Variants in SVIL observed in about 807,000 individuals in gnomAD.
SVIL encodes archvillin.
In SVIL, 101 loss-of-function variants were observed where a neutral mutation model predicts 240.4. That is an observed-to-expected ratio of 0.42 (90% CI 0.36 to 0.50). SVIL has a LOEUF of 0.50. Ranked by LOEUF, SVIL falls within the 20% of genes least tolerant of loss-of-function variation. The pLI is 0.01. For missense variants in SVIL, 2,512 were observed against 2,818.7 expected, an observed-to-expected ratio of 0.89 and a Z score of 2.46; for synonymous variants, 999 against 1,100.0, an observed-to-expected ratio of 0.91 and a Z score of 1.82.
intron 1 of SVIL, among the ~76,000 whole-genome samples, chr10:29,621,298 C>A (rs1422155839): frequency 6.6e-6 from 1 of 152,196 alleles, no homozygotes; most frequent in Non-Finnish European, 1.5e-5. Context: ...GAAAGTGCTG[C>A]GGGAAGGCAG....
At chr10:29,650,847 G>A (rs1791102343) in intron 3 of SVIL, among the ~76,000 whole-genome samples, 1 of 152,154 alleles carries the variant, frequency 6.6e-6, no homozygotes, top group South Asian at 2.1e-4. Flanking sequence ...CACATGGGAG[G>A]CTGAGGCATG....
chr10:29,724,552 T>A (rs2132702686), intron 1 of SVIL, among the ~76,000 whole-genome samples: 1 of 152,256 alleles, frequency 6.6e-6, no homozygotes, highest in Non-Finnish European at 1.5e-5. Context: ...AATTGGATAA[T>A]TCTGGGGTCA....
intron 1 of SVIL, among the ~76,000 whole-genome samples, chr10:29,723,890 A>C (rs1465303142): frequency 6.6e-6 from 1 of 152,224 alleles, no homozygotes; most frequent in Non-Finnish European, 1.5e-5. Flanking sequence ...AAACAAGATA[A>C]AAAGTTTGGA....
rs373011297 is a variant in SVIL at position 29,523,511 on chromosome 10, G to C, written c.3103C>G (p.Leu1035Val). The C allele has an allele frequency of 6.2e-7, 1 of 1,614,048 alleles. No individual in the cohort carries two copies. The highest frequency in any genetic ancestry group is 8.5e-7 in the Non-Finnish European group (1 of 1,179,984). ...AQGNLDLRDR[L>V]PFEEKVEVEN... is the part of the protein sequence containing the mutation. ...ACCTCCACCTTCTCTTCAAAGGGCA[G>C]CCTGTCCCTCAAGTCCAAGTTTCCT... The change falls in exon 15 of 38, where the codon CTG becomes GTG. Residue 1035 changes from leucine to valine, a missense_variant. By Grantham distance (32) the Leu-to-Val change is conservative. Transcript: ENST00000355867.
chr10:29,486,522 C>T lies in SVIL; in HGVS notation c.4521G>A (p.Arg1507=), dbSNP rs769376418. 2.5e-6 allele frequency: 4 copies of T among 1,614,108 alleles called. No homozygotes were observed. In the South Asian group the frequency reaches 3.3e-5, roughly 13 times the overall value. ...SELATLIQTK[R]ELGCRATYIQ... ...TATAAGTAGCTCTACAACCAAGTTC[C>T]CTCTTTGTCTGAATTAAAGTTGCAA... The change falls in exon 25 of 38, where the codon AGG becomes AGA. Residue 1507 remains arginine (R), a synonymous_variant. Coordinates refer to ENST00000355867, the MANE Select transcript of SVIL (RefSeq NM_021738.3).
intron 1 of SVIL, among the ~76,000 whole-genome samples, chr10:29,731,891 G>A (rs72804860): frequency 2.0e-3 from 311 of 152,350 alleles, no homozygotes; most frequent in Non-Finnish European, 3.4e-3. Flanking sequence ...AGAAGTTGTG[G>A]AACAGCTGGG....
At chr10:29,625,733 A>G (rs1454135797) in intron 1 of SVIL, among the ~76,000 whole-genome samples, 2 of 152,204 alleles carry the variant, frequency 1.3e-5, no homozygotes, top group African/African-American at 2.4e-5. Context: ...AAGTGCTGGG[A>G]CTACAGGCAT....
In SVIL at chr10:29,557,965, C is replaced by T. The variant is rs115802215; in HGVS notation, c.-50-2857G>A. Among the ~76,000 whole-genome samples the T allele has an allele frequency of 7.5e-3, 1,135 of 152,238 alleles. 16 individuals are homozygous for T. The highest frequency in any genetic ancestry group is 0.026 in the African/African-American group (1,075 of 41,536). ...GCTCTGCCGCAGGATGTTGAATGTC[C>T]CAGGTTCTTATAGTGATGCTAAATC... On this transcript the variant is annotated intron_variant, in intron 3 of 37. Coordinates refer to ENST00000355867, the MANE Select transcript of SVIL (RefSeq NM_021738.3).
chr10:29,598,532 C>T (rs1956684905), intron 1 of SVIL, among the ~76,000 whole-genome samples: 1 of 152,198 alleles, frequency 6.6e-6, no homozygotes, highest in African/African-American at 2.4e-5. Context: ...TACAAAATCC[C>T]TGGATTGCTG....
chr10:29,527,321 T>C (rs1240985778), intron 12 of SVIL, among the ~76,000 whole-genome samples: 2 of 152,140 alleles, frequency 1.3e-5, no homozygotes, highest in Non-Finnish European at 2.9e-5. Flanking sequence ...TGAGAATACA[T>C]GTCTTGGTGT....
At chr10:29,708,077 GA>G (rs1229159792) in intron 1 of SVIL, among the ~76,000 whole-genome samples, 4 of 151,612 alleles carry the variant, frequency 2.6e-5, no homozygotes, top group Non-Finnish European at 5.9e-5. Flanking sequence ...CTAACACGGT[GA>G]AACCCCGTCT....
intron 15 of SVIL, 83 bp from the exon 16 acceptor site, chr10:29,522,718 C>T: frequency 6.8e-7 from 1 of 1,464,738 alleles, no homozygotes; most frequent in Non-Finnish European, 9.2e-7. Flanking sequence ...GTGCAGCTCT[C>T]AGGGTTCAAT....
Position 29,734,790 on chromosome 10 carries a change from T to C in SVIL, c.-400+961A>G, listed in dbSNP as rs564539924. Among the ~76,000 whole-genome samples the C allele has an allele frequency of 6.6e-5, 10 of 152,270 alleles. No homozygotes were observed. In the South Asian group the frequency reaches 1.5e-3, roughly 22 times the overall value. ...AGATGCTGAGAAACATCTGGCGCAG[T>C]AGAGATGCTGCCTCTGACATTTCTA... On this transcript the variant is annotated intron_variant, in intron 1 of 35. Coordinates refer to the SVIL transcript ENST00000375400.
At chr10:29,714,472 G>GAAA (rs1449245356) in intron 1 of SVIL, among the ~76,000 whole-genome samples, 4 of 152,110 alleles carry the variant, frequency 2.6e-5, no homozygotes, top group Non-Finnish European at 5.9e-5. Flanking sequence ...AAAATAAGGA[G>GAAA]AACAAAGTCT....
chr10:29,593,953 T>C (rs1221009087), intron 1 of SVIL, among the ~76,000 whole-genome samples: 2 of 152,108 alleles, frequency 1.3e-5, no homozygotes, highest in African/African-American at 4.8e-5. Context: ...TGGAGCACAG[T>C]GGAGTTTTCA....
Position 29,649,162 on chromosome 10 carries a change from T to A in SVIL, c.-201+8807A>T, listed in dbSNP as rs1958760405. Among the ~76,000 whole-genome samples, 2 of 151,896 alleles carry A rather than the reference T, an allele frequency of 1.3e-5. 1 individual carries two copies. The highest frequency in any genetic ancestry group is 4.8e-5 in the African/African-American group (2 of 41,352). On this transcript the variant is annotated intron_variant, in intron 3 of 35. Coordinates refer to the SVIL transcript ENST00000375400. ...GTGACAGAGCGAGGCCCTGTCTAAATAAATAAATAAAAGCAGGGTTTCTTT... is the reference window on the plus strand; with the variant it reads ...GTGACAGAGCGAGGCCCTGTCTAAAAAAATAAATAAAAGCAGGGTTTCTTT...
At chr10:29,538,709 C>G (rs1210978082) in intron 6 of SVIL, among the ~76,000 whole-genome samples, 2 of 152,208 alleles carry the variant, frequency 1.3e-5, no homozygotes, top group Admixed American at 1.3e-4. Flanking sequence ...GTGTTCTGAG[C>G]ATATCTAAGG....
intron 1 of SVIL, among the ~76,000 whole-genome samples, chr10:29,583,029 G>A (rs1465416477): frequency 6.6e-6 from 1 of 152,124 alleles, no homozygotes; most frequent in Non-Finnish European, 1.5e-5. Flanking sequence ...CGTCACAGAG[G>A]AGAATTTCCT....
chr10:29,603,830 C>G (rs1956905456), intron 1 of SVIL, among the ~76,000 whole-genome samples: 2 of 152,288 alleles, frequency 1.3e-5, no homozygotes, highest in South Asian at 4.1e-4. Context: ...GCATTCAATT[C>G]ATATAAAATT....
Sources: allele counts gnomAD v4.1 joint callset (sites outside exome capture counted in the v4.1 genomes callset), GRCh38; gene constraint gnomAD v4.1.1; transcripts MANE v1.5; gene names NCBI Gene and HGNC (gene_info 2026-07-23, HGNC 2026-07-21).